The following LAD1 variants were observed in gnomAD, a reference collection of about 807,000 sequenced individuals.
LAD1 encodes ladinin-1.
A neutral mutation model predicts 54.2 loss-of-function variants in LAD1; 53 were observed. That is an observed-to-expected ratio of 0.98 (90% confidence interval 0.78 to 1.23). The LOEUF is 1.23. Among genes scored for constraint, LAD1 ranks in the 50% most tolerant of loss-of-function variants. LAD1 has a pLI of 0.00. For synonymous variants in LAD1, 231 were observed against 257.7 expected (o/e 0.90, Z 0.99); for missense variants, 637 against 653.3 (o/e 0.98, Z 0.27).
chr1:201,385,771 A>G lies in LAD1; in HGVS notation c.1061T>C (p.Met354Thr). Residue 354 changes from methionine (M) to threonine (T), a missense_variant, in exon 4 of 10, where the codon ATG (methionine) becomes ACG (threonine). Coordinates refer to ENST00000391967, the MANE Select transcript of LAD1 (RefSeq NM_005558.4). ...KIPSKEEEAD[M>T]SSPTQRTYSS... ...GTAGGTTCGCTGTGTGGGTGAGGAC[A>G]TATCTGCCTCTTCCTCCTTGCTGGG... The G allele has an allele frequency of 6.2e-7, 1 of 1,614,132 alleles. No individual in the cohort carries two copies. The highest frequency in any genetic ancestry group is 1.1e-5 in the South Asian group (1 of 91,080).
rs1259689422 is a variant in LAD1, at chr1:201,384,783, GC to G, written c.1175+8del. 1.4e-5 allele frequency: 22 copies of G among 1,613,650 alleles called. No homozygotes were observed. Among genetic ancestry groups the G allele is most frequent in the Non-Finnish European group, 1.7e-5 (20 of 1,179,766 alleles). ...AAATAGAAAGAACCAGAGCCTCCAG[GC>G]CCCCCACCTGCGAGTTAGGGTTGTT... On this transcript the variant is annotated splice_region_variant and intron_variant, in intron 5 of 9. Transcript: ENST00000391967.
At chr1:201,383,752 T>C (rs1192391161) in intron 5 of LAD1, among the ~76,000 whole-genome samples, 4 of 152,118 alleles carry the variant, frequency 2.6e-5, no homozygotes. Context: ...TGGCTGCTCC[T>C]ACCTCAAATC....
chr1:201,389,681 G>T (rs527831451), intron 1 of LAD1, among the ~76,000 whole-genome samples: 1 of 151,964 alleles, frequency 6.6e-6, no homozygotes, highest in South Asian at 2.1e-4. Flanking sequence ...GATTAGCCGG[G>T]TGTGGTGGTG....
rs114243090 is a variant in LAD1 at position 201,392,029 on chromosome 1, T to C, written c.39-2726A>G. On this transcript the variant is annotated intron_variant, in intron 1 of 9. Transcript: ENST00000391967. The stretch of plus-strand genomic sequence containing the variant: ...CTCTACCCTTTGCTGTCCCAGCCTC[T>C]CCTGCTGCTCAGCCCTAGTTCCCAC... Among the ~76,000 whole-genome samples, 711 of 152,376 alleles carry C rather than the reference T, an allele frequency of 4.7e-3. 8 individuals are homozygous for C. The highest frequency in any genetic ancestry group is 0.016 in the African/African-American group (677 of 41,590).
intron 4 of LAD1, among the ~76,000 whole-genome samples, chr1:201,385,443 G>C (rs989404728): frequency 6.6e-6 from 1 of 152,188 alleles, no homozygotes; most frequent in African/African-American, 2.4e-5. Context: ...AGCCCTGCCT[G>C]TCCGGTCTTC....
chr1:201,388,961 A>G (rs1662145787), intron 2 of LAD1, among the ~76,000 whole-genome samples, 199 bp downstream of exon 2: 1 of 152,224 alleles, frequency 6.6e-6, no homozygotes, highest in Non-Finnish European at 1.5e-5. Flanking sequence ...ATGGTCTACA[A>G]ATAGTAGCAA....
intron 1 of LAD1, among the ~76,000 whole-genome samples, chr1:201,396,297 C>A (rs1662289835): frequency 1.3e-5 from 2 of 152,168 alleles, no homozygotes; most frequent in Admixed American, 1.3e-4. Flanking sequence ...ATGCTGCTAT[C>A]CTCCTCCCCA....
chr1:201,386,300 G>A, intron 3 of LAD1, 35 bp downstream of exon 3: 1 of 1,335,584 alleles, frequency 7.5e-7, no homozygotes, highest in Non-Finnish European at 9.8e-7. Flanking sequence ...CCAGGTGGCA[G>A]AGTAGAAGGG....
chr1:201,390,170 TGGCCTCCCAAAGTGCTG>T (rs529617863), intron 1 of LAD1, among the ~76,000 whole-genome samples: 98 of 152,058 alleles, frequency 6.4e-4, no homozygotes, highest in Non-Finnish European at 1.1e-3. Flanking sequence ...CCTCCCACCT[TGGCCTCCCAAAGTGCTG>T]GGATTACAGG....
At chr1:201,383,417 GCCAAGTGAGACAC>G (rs1558269559) in intron 5 of LAD1, 28 bp from the exon 6 acceptor site, 8 of 1,610,646 alleles carry the variant, frequency 5.0e-6, no homozygotes, top group Middle Eastern at 3.3e-4. Flanking sequence ...GAACAGGCGA[GCCAAGTGAGACAC>G]CCAGGGAGAC....
At position 201,383,055 on chromosome 1, in the gene LAD1, T is replaced by C; in HGVS notation, c.1386+19A>G. ...AGGGCTAATCACCCTAAGGACCCTG[T>C]GGGGCCTGAGCCCCTCACCTTCCGG... On this transcript the variant is annotated intron_variant, in intron 7 of 9. Transcript: ENST00000391967. The C allele has an allele frequency of 6.2e-7, 1 of 1,606,766 alleles. No individual in the cohort carries two copies. The highest frequency in any genetic ancestry group is 8.5e-7 in the Non-Finnish European group (1 of 1,175,086).
rs2102354138 is a variant in LAD1, at chr1:201,382,260, C to T, written c.1540G>A (p.Asp514Asn). ...TCCTCCCCACCATTCACCTCAGCGT[C>T]CAGCGAGGAGTCAGATTTCTGTCCC... is the stretch of plus-strand genomic sequence containing the variant. ...QWGQKSDSSLDAEV is the reference protein window; with the variant it reads ...QWGQKSDSSLNAEV Residue 514 changes from aspartate (D) to asparagine (N), a missense_variant, in exon 9 of 10, where the codon GAC (aspartate) becomes AAC (asparagine). Physicochemically the swap from Asp to Asn is conservative, Grantham distance 23. Coordinates refer to ENST00000391967, the MANE Select transcript of LAD1 (RefSeq NM_005558.4). 6.2e-7 allele frequency: 1 copy of T among 1,613,048 alleles called. No homozygotes were observed. The highest frequency in any genetic ancestry group is 1.3e-5 in the African/African-American group (1 of 75,022).
In LAD1 at chr1:201,381,869, T is replaced by C. The variant is rs1421664858; in HGVS notation, c.*19A>G. 2.5e-6 allele frequency: 4 copies of C among 1,613,854 alleles called. No individual in the cohort carries two copies. The highest frequency in any genetic ancestry group is 3.3e-5 in the Admixed American group (2 of 60,008). ...GTCCCTTGAGACGAAGACTTGCAGG[T>C]CTGTCTTGGCGGGGCTTGTCACACC... is the stretch of plus-strand genomic sequence containing the variant. On this transcript the variant is annotated 3_prime_UTR_variant, in exon 10 of 10. Coordinates refer to ENST00000391967, the MANE Select transcript of LAD1 (RefSeq NM_005558.4).
chr1:201,383,135 C>A lies in LAD1; in HGVS notation c.1325G>T (p.Arg442Leu), dbSNP rs199664903. ...FVAPVGVASK[R>L]HLFEKELAGQ... ...CGCCAGTTCCTTCTCAAAGAGGTGGCGCTTGCTGGCTACACCCACAGGAGC... is the reference window on the plus strand; with the variant it reads ...CGCCAGTTCCTTCTCAAAGAGGTGGAGCTTGCTGGCTACACCCACAGGAGC... The change falls in exon 7 of 10, where the codon CGC (arginine) becomes CTC (leucine). Residue 442 changes from arginine to leucine, a missense_variant. Arg to Leu is a moderately radical substitution (Grantham distance 102). Transcript: ENST00000391967. 5 of 1,613,946 alleles carry A rather than the reference C, an allele frequency of 3.1e-6. No homozygotes were observed. The highest frequency in any genetic ancestry group is 4.2e-6 in the Non-Finnish European group (5 of 1,179,978).
rs780692415 is a variant in LAD1, at chr1:201,382,233, G to T, written c.1548+19C>A. On this transcript the variant is annotated intron_variant, in intron 9 of 9. Coordinates refer to ENST00000391967, the MANE Select transcript of LAD1 (RefSeq NM_005558.4). ...CCGTGGCCCTCCGCCGTAGGGCCAG[G>T]CTCCTCCCCACCATTCACCTCAGCG... 6.2e-7 allele frequency: 1 copy of T among 1,605,240 alleles called. No homozygotes were observed. The highest frequency in any genetic ancestry group is 2.2e-5 in the East Asian group (1 of 44,842).
intron 1 of LAD1, chr1:201,391,266 T>C (rs970943475): frequency 2.5e-6 from 1 of 407,074 alleles, no homozygotes; most frequent in African/African-American, 2.1e-5. Context: ...TTTTGGTTCC[T>C]GCCCCAGTCA....
rs1206753740 is a variant in LAD1, at chr1:201,381,593, A to G, written c.*295T>C. On this transcript the variant is annotated 3_prime_UTR_variant, in exon 10 of 10. Transcript: ENST00000391967. ...AGGAGCAGAGGTCTCTGGGCAGGAC[A>G]TAGGCCCCATAGTGCTGATGTGCAC... 1.9e-6 allele frequency: 1 copy of G among 513,466 alleles called. No homozygotes were observed. Among genetic ancestry groups the G allele is most frequent in the Non-Finnish European group, 3.5e-6 (1 of 282,790 alleles). 31.8% of individuals were successfully genotyped at this position (513,466 alleles called of 1,614,324 possible). A position where few individuals can be genotyped will look rare whatever the true frequency, so the allele number is the denominator to read the frequency against.
chr1:201,384,863 T>A, intron 4 of LAD1, 28 bp from the exon 5 acceptor site: 3 of 1,612,792 alleles, frequency 1.9e-6, no homozygotes, highest in Non-Finnish European at 2.5e-6. Context: ...GGCATTGTTG[T>A]GTGGGAGTCC....
At position 201,385,741 on chromosome 1, in the gene LAD1, C is replaced by T; in HGVS notation, c.1091G>A (p.Ser364Asn). ...CCTGGGGCTGGAGCGTTTGAGGGAGCTGCTGTAGGTTCGCTGTGTGGGTGA... is the reference window on the plus strand; with the variant it reads ...CCTGGGGCTGGAGCGTTTGAGGGAGTTGCTGTAGGTTCGCTGTGTGGGTGA... ...MSSPTQRTYS[S>N]SLKRSSPRTI... The change falls in exon 4 of 10, where the codon AGC (serine) becomes AAC (asparagine). Residue 364 changes from serine to asparagine, a missense_variant. By Grantham distance (46) the Ser-to-Asn change is conservative. Coordinates refer to ENST00000391967, the MANE Select transcript of LAD1 (RefSeq NM_005558.4). The T allele has an allele frequency of 6.2e-7, 1 of 1,614,180 alleles. No individual in the cohort carries two copies.
Sources: allele counts gnomAD v4.1 joint callset (sites outside exome capture counted in the v4.1 genomes callset), GRCh38; gene constraint gnomAD v4.1.1; transcripts MANE v1.5; gene names NCBI Gene and HGNC (gene_info 2026-07-23, HGNC 2026-07-21).